The following TRPM3 variants were observed in gnomAD, a reference collection of about 807,000 sequenced individuals.
TRPM3 encodes transient receptor potential cation channel subfamily M member 3.
Under a neutral mutation model 181.2 loss-of-function variants are expected in TRPM3, and 77 were observed. That is an observed-to-expected ratio of 0.42 (90% CI 0.35 to 0.51). The LOEUF is 0.51. Ranked by LOEUF, TRPM3 falls within the 20% of genes least tolerant of loss-of-function variation. The pLI, the probability that TRPM3 is intolerant of heterozygous loss-of-function variation, is 0.01. For synonymous variants in TRPM3, 745 were observed against 796.4 expected (o/e 0.94, Z 1.09); for missense variants, 1,759 against 2,196.7 (o/e 0.80, Z 3.98).
At chr9:70,549,497 C>T in intron 25 of TRPM3, 45 bp downstream of exon 25, 1 of 1,574,464 alleles carries the variant, frequency 6.4e-7, no homozygotes, top group Non-Finnish European at 8.6e-7. Flanking sequence ...TAAAGCATGC[C>T]TTGGCACAAC....
At chr9:70,623,808 A>G (rs1319002781) in intron 14 of TRPM3, among the ~76,000 whole-genome samples, 1 of 152,060 alleles carries the variant, frequency 6.6e-6, no homozygotes, top group African/African-American at 2.4e-5. Flanking sequence ...ATACTGAACT[A>G]TTATGGGTTG....
intron 8 of TRPM3, chr9:70,761,281 A>T (rs1472776491): frequency 1.7e-6 from 1 of 601,004 alleles, no homozygotes; most frequent in Non-Finnish European, 3.0e-6. Flanking sequence ...GAAACCTAAG[A>T]AGATCAAGCT....
intron 1 of TRPM3, among the ~76,000 whole-genome samples, chr9:71,224,566 A>C (rs938450426): frequency 1.8e-4 from 27 of 152,204 alleles, no homozygotes; most frequent in African/African-American, 6.5e-4. Flanking sequence ...ATAAGGGACC[A>C]AGGGCCCATC....
intron 1 of TRPM3, among the ~76,000 whole-genome samples, chr9:70,872,879 ATT>A (rs2095811801): frequency 6.6e-6 from 1 of 151,934 alleles, no homozygotes; most frequent in South Asian, 2.1e-4. Flanking sequence ...GTTGACCAGC[ATT>A]TCCTAAAGAA....
intron 21 of TRPM3, among the ~76,000 whole-genome samples, chr9:70,595,300 A>T (rs2058807552): frequency 6.6e-6 from 1 of 152,194 alleles, no homozygotes; most frequent in Non-Finnish European, 1.5e-5. Context: ...ATCAGAAAAA[A>T]CATCCAATCT....
At chr9:71,401,091 G>C (rs1362026371) in intron 1 of TRPM3, among the ~76,000 whole-genome samples, 1 of 151,648 alleles carries the variant, frequency 6.6e-6, no homozygotes, top group South Asian at 2.1e-4. Flanking sequence ...CCAGCTACTC[G>C]GGAGGCTGAG....
chr9:70,901,276 G>T (rs1167581845), intron 1 of TRPM3, among the ~76,000 whole-genome samples: 1 of 152,202 alleles, frequency 6.6e-6, no homozygotes, highest in Non-Finnish European at 1.5e-5. Flanking sequence ...GACACAAGTA[G>T]ATTAATGGCC....
At chr9:71,000,745 T>C (rs932815849) in intron 1 of TRPM3, among the ~76,000 whole-genome samples, 1 of 152,202 alleles carries the variant, frequency 6.6e-6, no homozygotes, top group Non-Finnish European at 1.5e-5. Flanking sequence ...AATGTACATA[T>C]GCTACTTAGT....
chr9:70,600,344 C>T (rs922746363), intron 20 of TRPM3, among the ~76,000 whole-genome samples: 5 of 152,112 alleles, frequency 3.3e-5, no homozygotes, highest in Non-Finnish European at 7.3e-5. Flanking sequence ...GGTCTATATC[C>T]AGCTATTTGT....
At chr9:71,135,199 GC>G (rs2074690295) in intron 1 of TRPM3, among the ~76,000 whole-genome samples, 1 of 152,176 alleles carries the variant, frequency 6.6e-6, no homozygotes, top group African/African-American at 2.4e-5. Flanking sequence ...ATACTGGACT[GC>G]AAATTCTCAG....
chr9:70,696,530 T>A (rs2070520672), intron 8 of TRPM3, among the ~76,000 whole-genome samples: 1 of 152,186 alleles, frequency 6.6e-6, no homozygotes. Flanking sequence ...AACATTCCCA[T>A]GTGCTCATAA....
intron 1 of TRPM3, among the ~76,000 whole-genome samples, chr9:70,988,178 T>C (rs1174295421): frequency 1.3e-5 from 2 of 152,132 alleles, no homozygotes; most frequent in South Asian, 2.1e-4. Flanking sequence ...TTTCTTGAGA[T>C]TTCAGGCTGT....
At chr9:71,436,305 T>C (rs1407156860) in intron 1 of TRPM3, among the ~76,000 whole-genome samples, 7 of 142,440 alleles carry the variant, frequency 4.9e-5, no homozygotes, top group African/African-American at 5.2e-5. Context: ...TTTCTTTTTT[T>C]TTTTTTTTTT....
At chr9:70,890,038 C>T (rs1457691465) in intron 1 of TRPM3, among the ~76,000 whole-genome samples, 1 of 147,200 alleles carries the variant, frequency 6.8e-6, no homozygotes, top group Non-Finnish European at 1.5e-5. Flanking sequence ...TATATACACA[C>T]TATACATTAG....
chr9:70,631,730 G>A (rs1400401576), intron 12 of TRPM3, among the ~76,000 whole-genome samples: 1 of 152,166 alleles, frequency 6.6e-6, no homozygotes, highest in African/African-American at 2.4e-5. Flanking sequence ...TCTGATTAAT[G>A]CTGAAGTGCC....
intron 1 of TRPM3, among the ~76,000 whole-genome samples, chr9:71,232,481 A>C (rs1403114440): frequency 7.0e-6 from 1 of 142,320 alleles, no homozygotes; most frequent in Middle Eastern, 3.6e-3. Flanking sequence ...ATGGAAATTG[A>C]ATTCAGTGTC....
At chr9:70,856,399 T>C (rs2095389508) in intron 3 of TRPM3, among the ~76,000 whole-genome samples, 1 of 152,192 alleles carries the variant, frequency 6.6e-6, no homozygotes, top group Non-Finnish European at 1.5e-5. Flanking sequence ...CCACAGCCTA[T>C]TGATCAGCTA....
At chr9:70,592,716 C>A (rs1332826868) in intron 21 of TRPM3, among the ~76,000 whole-genome samples, 2 of 152,068 alleles carry the variant, frequency 1.3e-5, no homozygotes, top group African/African-American at 4.8e-5. Flanking sequence ...ATTAGTTTTA[C>A]AATTTTTTAA....
intron 22 of TRPM3, among the ~76,000 whole-genome samples, chr9:70,566,754 G>A (rs576899222): frequency 1.2e-4 from 18 of 152,258 alleles, no homozygotes; most frequent in Non-Finnish European, 2.4e-4. Context: ...TTGGTCCTGT[G>A]CAGTCTGCAA....
Sources: allele counts gnomAD v4.1 joint callset (sites outside exome capture counted in the v4.1 genomes callset), GRCh38; gene constraint gnomAD v4.1.1; transcripts MANE v1.5; gene names NCBI Gene and HGNC (gene_info 2026-07-23, HGNC 2026-07-21).